The following KRT3 variants were observed in gnomAD, a reference collection of about 807,000 sequenced individuals.
The protein encoded by KRT3 is keratin 3.
KRT3 carries 34 observed loss-of-function variants against 45.8 expected under a neutral mutation model. The ratio of observed to expected loss-of-function variants is 0.74; its 90% CI spans 0.57 to 0.99. KRT3 has a LOEUF of 0.99. KRT3 is among the 50% of genes least tolerant of loss of function. The pLI, the probability that KRT3 is intolerant of heterozygous loss-of-function variation, is 0.00. For missense variants in KRT3, 828 were observed against 820.6 expected, an observed-to-expected ratio of 1.01 and a Z score of -0.11; for synonymous variants, 367 against 329.0, an observed-to-expected ratio of 1.12 and a Z score of -1.25.
At position 52,791,322 on chromosome 12, in the gene KRT3, C is replaced by A. The variant is rs780618381; in HGVS notation, c.1419G>T (p.Gln473His). The A allele has an allele frequency of 1.3e-5, 21 of 1,614,242 alleles. No homozygotes were observed. The highest frequency in any genetic ancestry group is 1.4e-5 in the Non-Finnish European group (17 of 1,180,034). ...KLQELQAALQ[Q>H]AKDDLARLLR... ...GCAGCCGCGCCAGGTCATCCTTCGC[C>A]TGCTGTAGAGCAGCCTGCAGCTCTT... The change falls in exon 7 of 9, where the codon CAG becomes CAT. Residue 473 changes from glutamine to histidine, a missense_variant. Gln to His is a conservative substitution (Grantham distance 24). Transcript: ENST00000417996.
At position 52,796,037 on chromosome 12, in the gene KRT3, G is replaced by A; in HGVS notation, c.6C>T (p.Ser2=). ...CACCAGATGTCTTGCTGGCTTGTCT[G>A]CTCATGGTAAGGAGCTTGGCGAAGA... M[S]RQASKTSGGG... The change falls in exon 1 of 9, where the codon AGC becomes AGT. Residue 2 remains serine, a synonymous_variant. Coordinates refer to ENST00000417996, the MANE Select transcript of KRT3 (RefSeq NM_057088.3). 6.2e-7 allele frequency: 1 copy of A among 1,613,202 alleles called. No homozygotes were observed.
Position 52,795,343 on chromosome 12 carries a change from G to T in KRT3, c.645+55C>A, listed in dbSNP as rs183720704. 55 of 1,602,432 alleles carry T rather than the reference G, an allele frequency of 3.4e-5. No homozygotes were observed. In the African/African-American group the frequency reaches 7.0e-4, roughly 20 times the overall value. On this transcript the variant is annotated intron_variant, in intron 1 of 8. Transcript: ENST00000417996. ...AAACATTTAAACACTGTGTCCCAAA[G>T]GTCAAATTCAAAGTCCCCAGCCCAG...
intron 8 of KRT3, 122 bp downstream of exon 8, chr12:52,790,716 T>A (rs1592300735): frequency 1.1e-6 from 1 of 916,834 alleles, no homozygotes; most frequent in Non-Finnish European, 1.7e-6. Flanking sequence ...CACTTCCCTC[T>A]CCTCTCCCAG....
chr12:52,792,360 A>G lies in KRT3; in HGVS notation c.1067T>C (p.Val356Ala). 1 of 1,614,122 alleles carries G rather than the reference A, an allele frequency of 6.2e-7. No individual in the cohort carries two copies. The highest frequency in any genetic ancestry group is 8.5e-7 in the Non-Finnish European group (1 of 1,179,972). The change falls in exon 5 of 9, where the codon GTG becomes GCG. Residue 356 changes from valine (V) to alanine (A), a missense_variant. Coordinates refer to ENST00000417996, the MANE Select transcript of KRT3 (RefSeq NM_057088.3). ...GGAGCGATTATTGTCCATGGACAGC[A>G]CCACAGATGTGTCACTGATGTGGCT... The part of the protein sequence containing the change: ...MQSHISDTSV[V>A]LSMDNNRSLD...
chr12:52,791,728 T>G lies in KRT3; in HGVS notation c.1277A>C (p.Gln426Pro). The G allele has an allele frequency of 6.2e-7, 1 of 1,614,142 alleles. No homozygotes were observed. The highest frequency in any genetic ancestry group is 2.2e-5 in the East Asian group (1 of 44,882). ...SEIIELNRMI[Q>P]RLRAEIEGVK... ...ACCCTCGATCTCTGCCCGCAGCCTC[T>G]GGATCATTCTGTTGAGCTCTATGAT... Residue 426 changes from glutamine (Q) to proline (P), a missense_variant, in exon 6 of 9, where the codon CAG becomes CCG. Coordinates refer to ENST00000417996, the MANE Select transcript of KRT3 (RefSeq NM_057088.3).
At chr12:52,793,587 G>GT (rs1380039638) in intron 2 of KRT3, among the ~76,000 whole-genome samples, 4 of 151,792 alleles carry the variant, frequency 2.6e-5, no homozygotes, top group Admixed American at 1.3e-4. Flanking sequence ...AAACTCATCC[G>GT]TTTTTTGTTT....
At chr12:52,791,016 T>C in intron 7 of KRT3, 144 bp from the exon 8 acceptor site, 3 of 1,264,022 alleles carry the variant, frequency 2.4e-6, no homozygotes, top group Admixed American at 2.0e-5. Flanking sequence ...CTTTGGGCTG[T>C]AGCAAGGAGA....
chr12:52,792,822 G>A lies in KRT3; in HGVS notation c.928-16C>T. The A allele has an allele frequency of 6.5e-7, 1 of 1,535,490 alleles. No homozygotes were observed. Among genetic ancestry groups the A allele is most frequent in the South Asian group, 1.1e-5 (1 of 88,822 alleles). ...TGTCCACATCCTGAGAAAAGAGGAA[G>A]ATAAAGGCCTTATTCTCCCAATGAA... is the stretch of plus-strand genomic sequence containing the variant. On this transcript the variant is annotated splice_polypyrimidine_tract_variant and intron_variant, in intron 3 of 8. Coordinates refer to ENST00000417996, the MANE Select transcript of KRT3 (RefSeq NM_057088.3).
At position 52,794,257 on chromosome 12, in the gene KRT3, G is replaced by A; in HGVS notation, c.720C>T (p.Ser240=). 1 of 1,614,170 alleles carries A rather than the reference G, an allele frequency of 6.2e-7. No individual in the cohort carries two copies. The highest frequency in any genetic ancestry group is 8.5e-7 in the Non-Finnish European group (1 of 1,180,018). ...WNLLQQQGTS[S]ISGTNNLEPL... ...GCTCAAGGTTGTTTGTGCCTGAGAT[G>A]GAACTTGTGCCCTGCTGCTGGAGCA... Residue 240 remains serine, a synonymous_variant, in exon 2 of 9, where the codon TCC becomes TCT. Coordinates refer to ENST00000417996, the MANE Select transcript of KRT3 (RefSeq NM_057088.3).
Position 52,796,035 on chromosome 12 carries a change from C to A in KRT3, c.8G>T (p.Arg3Ile). The A allele has an allele frequency of 6.2e-7, 1 of 1,613,336 alleles. No homozygotes were observed. Among genetic ancestry groups the A allele is most frequent in the Non-Finnish European group, 8.5e-7 (1 of 1,179,894 alleles). The change falls in exon 1 of 9, where the codon AGA becomes ATA. Residue 3 changes from arginine to isoleucine, a missense_variant. Coordinates refer to ENST00000417996, the MANE Select transcript of KRT3 (RefSeq NM_057088.3). ...GCCACCAGATGTCTTGCTGGCTTGT[C>A]TGCTCATGGTAAGGAGCTTGGCGAA... MS[R>I]QASKTSGGGS...
chr12:52,795,349 A>C, intron 1 of KRT3, 49 bp downstream of exon 1: 1 of 1,609,806 alleles, frequency 6.2e-7, no homozygotes, highest in Non-Finnish European at 8.5e-7. Context: ...CAAAGGTCAA[A>C]TTCAAAGTCC....
At position 52,796,100 on chromosome 12, in the gene KRT3, G is replaced by C; in HGVS notation, c.-58C>G. ...TTAAGCAGGGACACTGAGAGTCAGA[G>C]GAAGAGGGATGGGAAATGAAGACCT... On this transcript the variant is annotated 5_prime_UTR_variant, in exon 1 of 9. Coordinates refer to ENST00000417996, the MANE Select transcript of KRT3 (RefSeq NM_057088.3). 6.3e-7 allele frequency: 1 copy of C among 1,575,112 alleles called. No homozygotes were observed.
In KRT3 at chr12:52,792,277, T is replaced by C. The variant is rs1420329480; in HGVS notation, c.1150A>G (p.Arg384Gly). ...VRAQYEDIAQ[R>G]SKAEAEALYQ... ...AGGGCCTCAGCTTCGGCCTTGCTTC[T>C]CTGAGCGATATCCTCATACTGTGCA... is the stretch of plus-strand genomic sequence containing the variant. The change falls in exon 5 of 9, where the codon AGA becomes GGA. Residue 384 changes from arginine to glycine, a missense_variant. Physicochemically the swap from Arg to Gly is moderately radical, Grantham distance 125 (BLOSUM62 -2). Transcript: ENST00000417996. The C allele has an allele frequency of 1.2e-6, 2 of 1,614,170 alleles. No individual in the cohort carries two copies. Among genetic ancestry groups the C allele is most frequent in the South Asian group, 2.2e-5 (2 of 91,070 alleles).
chr12:52,795,840 A>C lies in KRT3; in HGVS notation c.203T>G (p.Ile68Ser), dbSNP rs201564104. ...YNLGGNKSIS[I>S]SVAAGGSRAG... ...CCGGGAGCCGCCAGCTGCCACGCTG[A>C]TGGAGATGCTCTTGTTGCCGCCCAG... The change falls in exon 1 of 9, where the codon ATC (isoleucine) becomes AGC (serine). Residue 68 changes from isoleucine to serine, a missense_variant. Transcript: ENST00000417996. 3 of 1,614,114 alleles carry C rather than the reference A, an allele frequency of 1.9e-6. No homozygotes were observed. Among genetic ancestry groups the C allele is most frequent in the Non-Finnish European group, 2.5e-6 (3 of 1,179,992 alleles).
At position 52,789,872 on chromosome 12, in the gene KRT3, C is replaced by G. The variant is rs772711495; in HGVS notation, c.*170G>C. 144 of 720,778 alleles carry G rather than the reference C, an allele frequency of 2.0e-4. 1 individual carries two copies. The highest frequency in any genetic ancestry group is 1.9e-4 in the Non-Finnish European group (81 of 427,662). 44.6% of individuals were successfully genotyped at this position (720,778 alleles called of 1,614,324 possible). ...GCCGGAGAGAAGAGCCTGAAATTCT[C>G]GTGACTGGGCTTGGCCGGGGATCTG... On this transcript the variant is annotated 3_prime_UTR_variant, in exon 9 of 9. Transcript: ENST00000417996.
Position 52,792,737 on chromosome 12 carries a change from C to A in KRT3, c.997G>T (p.Asp333Tyr), listed in dbSNP as rs754692663. Reference sequence around the variant, plus strand: ...GCGTCGTAGAGGGTCCTTAAGAAGTCGATCTCATCTATCAAGGCATCCACT... The same window carrying A: ...GCGTCGTAGAGGGTCCTTAAGAAGTAGATCTCATCTATCAAGGCATCCACT... ...AKVDALIDEI[D>Y]FLRTLYDAEL... The change falls in exon 4 of 9, where the codon GAC becomes TAC. Residue 333 changes from aspartate to tyrosine, a missense_variant. Coordinates refer to ENST00000417996, the MANE Select transcript of KRT3 (RefSeq NM_057088.3). 6.2e-7 allele frequency: 1 copy of A among 1,612,726 alleles called. No homozygotes were observed. The highest frequency in any genetic ancestry group is 8.5e-7 in the Non-Finnish European group (1 of 1,178,776).
intron 2 of KRT3, among the ~76,000 whole-genome samples, chr12:52,793,544 A>G (rs1041530767): frequency 6.6e-6 from 1 of 151,248 alleles, no homozygotes; most frequent in African/African-American, 2.4e-5. Context: ...ATCTTCCCCA[A>G]CCTGGCTCAT....
intron 3 of KRT3, 150 bp downstream of exon 3, chr12:52,793,013 G>T (rs1565678521): frequency 3.0e-6 from 2 of 675,958 alleles, no homozygotes; most frequent in Non-Finnish European, 5.2e-6. Context: ...ACTCTTTTAG[G>T]GATCTTCCAG....
Position 52,794,097 on chromosome 12 carries a change from G to A in KRT3, c.866+14C>T. The A allele has an allele frequency of 6.2e-7, 1 of 1,603,752 alleles. No homozygotes were observed. The highest frequency in any genetic ancestry group is 8.5e-7 in the Non-Finnish European group (1 of 1,170,820). On this transcript the variant is annotated intron_variant, in intron 2 of 8. Transcript: ENST00000417996. Reference sequence around the variant, plus strand: ...TGGGCCATGGCATCTTCCCACTCCTGCCCTGTCACTCACTTCTTCTTGAAG... The same window carrying A: ...TGGGCCATGGCATCTTCCCACTCCTACCCTGTCACTCACTTCTTCTTGAAG...
Sources: allele counts gnomAD v4.1 joint callset (sites outside exome capture counted in the v4.1 genomes callset), GRCh38; gene constraint gnomAD v4.1.1; transcripts MANE v1.5; gene names NCBI Gene and HGNC (gene_info 2026-07-23, HGNC 2026-07-21).